The following MTMR2 variants were observed in gnomAD, a reference collection of about 807,000 sequenced individuals.
The protein encoded by MTMR2 is phosphatidylinositol-3,5-bisphosphate 3-phosphatase MTMR2.
Under a neutral mutation model 86.9 loss-of-function variants are expected in MTMR2, and 55 were observed. The ratio of observed to expected loss-of-function variants is 0.63; its 90% CI spans 0.51 to 0.79. The LOEUF is 0.79. MTMR2 is among the 30% of genes least tolerant of loss of function. The pLI, the probability that MTMR2 is intolerant of heterozygous loss-of-function variation, is 0.00. For missense variants in MTMR2, 659 were observed against 772.3 expected, an observed-to-expected ratio of 0.85 and a Z score of 1.74; for synonymous variants, 241 against 266.8, an observed-to-expected ratio of 0.90 and a Z score of 0.94.
chr11:95,847,575 G>T, intron 10 of MTMR2, 139 bp downstream of exon 10: 3 of 781,054 alleles, frequency 3.8e-6, no homozygotes, highest in Admixed American at 4.3e-5. Context: ...TTCACTAGTA[G>T]TTCCAAGTAT....
At chr11:95,861,401 G>GATT (rs1864414901) in intron 5 of MTMR2, among the ~76,000 whole-genome samples, 1 of 91,456 alleles carries the variant, frequency 1.1e-5, no homozygotes, top group Non-Finnish European at 2.1e-5. Context: ...CATTAAAGAT[G>GATT]GTTATTATTA....
At chr11:95,885,492 G>T (rs1409635860) in intron 2 of MTMR2, among the ~76,000 whole-genome samples, 1 of 151,978 alleles carries the variant, frequency 6.6e-6, no homozygotes, top group Non-Finnish European at 1.5e-5. Context: ...ACACAATGAC[G>T]AGAGCATAGC....
chr11:95,888,735 A>G (rs1224167148), intron 1 of MTMR2, among the ~76,000 whole-genome samples: 2 of 150,786 alleles, frequency 1.3e-5, no homozygotes, highest in African/African-American at 5.0e-5. Context: ...ACACACACAC[A>G]CACACAAACA....
At chr11:95,849,565 C>A (rs1418414847) in intron 9 of MTMR2, 109 bp downstream of exon 9, 4 of 994,694 alleles carry the variant, frequency 4.0e-6, no homozygotes, top group Non-Finnish European at 6.4e-6. Context: ...AAGACAAGAA[C>A]CTATATGTTT....
rs778109766 is a variant in MTMR2, at chr11:95,849,658, T to C, written c.993+16A>G. On this transcript the variant is annotated intron_variant, in intron 9 of 14. Transcript: ENST00000346299. Reference sequence around the variant, plus strand: ...TTCATGAAACCATAATTATAATTACTAAGAGACCATCTGACCTTGTTGGCA... The same window carrying C: ...TTCATGAAACCATAATTATAATTACCAAGAGACCATCTGACCTTGTTGGCA... 1 of 1,588,910 alleles carries C rather than the reference T, an allele frequency of 6.3e-7. No individual in the cohort carries two copies. Among genetic ancestry groups the C allele is most frequent in the South Asian group, 1.1e-5 (1 of 90,986 alleles).
intron 1 of MTMR2, among the ~76,000 whole-genome samples, chr11:95,906,282 G>T (rs1408635098): frequency 6.6e-6 from 1 of 152,098 alleles, no homozygotes; most frequent in East Asian, 1.9e-4. Flanking sequence ...ATGAGACAAA[G>T]AAGGGCATTA....
At chr11:95,914,724 C>T (rs1866637236) in intron 1 of MTMR2, among the ~76,000 whole-genome samples, 1 of 152,128 alleles carries the variant, frequency 6.6e-6, no homozygotes, top group African/African-American at 2.4e-5. Flanking sequence ...ACCACCCAAT[C>T]AACCTGCCCT....
At chr11:95,847,185 C>T (rs985468079) in intron 10 of MTMR2, among the ~76,000 whole-genome samples, 1 of 152,122 alleles carries the variant, frequency 6.6e-6, no homozygotes, top group Non-Finnish European at 1.5e-5. Context: ...TTTCCCTGAT[C>T]AGAATGGTTT....
chr11:95,858,484 C>G, intron 6 of MTMR2, 47 bp downstream of exon 6: 1 of 1,277,310 alleles, frequency 7.8e-7, no homozygotes, highest in Non-Finnish European at 1.1e-6. Context: ...CTTTATACGA[C>G]ATCAATAATT....
intron 2 of MTMR2, among the ~76,000 whole-genome samples, chr11:95,867,117 C>T (rs943035719): frequency 6.6e-6 from 1 of 151,992 alleles, no homozygotes; most frequent in Non-Finnish European, 1.5e-5. Context: ...CCAAAGATAA[C>T]AAAACAAATA....
At chr11:95,905,647 T>C (rs907637432) in intron 1 of MTMR2, among the ~76,000 whole-genome samples, 1 of 152,202 alleles carries the variant, frequency 6.6e-6, no homozygotes, top group Non-Finnish European at 1.5e-5. Context: ...TCTTTGCTAA[T>C]GTTTTCAAGC....
At chr11:95,877,280 T>C (rs543675030) in intron 2 of MTMR2, among the ~76,000 whole-genome samples, 4 of 149,908 alleles carry the variant, frequency 2.7e-5, no homozygotes. Context: ...CTGGGATAGA[T>C]CTTAGTGGTT....
chr11:95,921,455 A>T (rs940782988), intron 1 of MTMR2, among the ~76,000 whole-genome samples: 10 of 152,248 alleles, frequency 6.6e-5, no homozygotes, highest in Admixed American at 6.5e-5. Context: ...CAAAAGAAAT[A>T]ACTTAAACAA....
At chr11:95,889,787 T>C (rs1474794490) in intron 1 of MTMR2, among the ~76,000 whole-genome samples, 1 of 152,180 alleles carries the variant, frequency 6.6e-6, no homozygotes, top group Non-Finnish European at 1.5e-5. Context: ...TTTCCTCTTA[T>C]CAGTAAAACA....
chr11:95,838,247 C>T, intron 12 of MTMR2, 40 bp from the exon 13 acceptor site: 1 of 1,106,156 alleles, frequency 9.0e-7, no homozygotes, highest in Non-Finnish European at 1.4e-6. Context: ...TTAAGACATT[C>T]TTCAAGCATA....
chr11:95,919,638 T>C (rs1411527232), intron 1 of MTMR2, among the ~76,000 whole-genome samples: 2 of 152,148 alleles, frequency 1.3e-5, no homozygotes, highest in African/African-American at 4.8e-5. Flanking sequence ...ATAACCTCAT[T>C]GTGTGTAGGA....
intron 13 of MTMR2, 78 bp from the exon 14 acceptor site, chr11:95,836,402 C>G: frequency 1.5e-6 from 2 of 1,347,254 alleles, no homozygotes; most frequent in Non-Finnish European, 2.1e-6. Context: ...TGAAGAAGTA[C>G]TTTGTTGTCA....
intron 13 of MTMR2, among the ~76,000 whole-genome samples, chr11:95,836,766 G>C (rs546917815): frequency 6.6e-6 from 1 of 152,070 alleles, no homozygotes; most frequent in African/African-American, 2.4e-5. Flanking sequence ...AAAGGAGCTA[G>C]ACACAAGGTT....
intron 2 of MTMR2, 148 bp from the exon 3 acceptor site, chr11:95,865,824 G>T: frequency 1.7e-5 from 12 of 695,436 alleles, no homozygotes; most frequent in Middle Eastern, 3.8e-4. Context: ...TGTAGTGTTG[G>T]CATGTATAAT....
Sources: allele counts gnomAD v4.1 joint callset (sites outside exome capture counted in the v4.1 genomes callset), GRCh38; gene constraint gnomAD v4.1.1; transcripts MANE v1.5; gene names NCBI Gene and HGNC (gene_info 2026-07-23, HGNC 2026-07-21).